The following SYBU variants were observed in gnomAD, a reference collection of about 807,000 sequenced individuals.
SYBU encodes syntabulin, also known as GOLSYN A protein.
SYBU carries 21 observed loss-of-function variants against 35.9 expected under a neutral mutation model. The observed-to-expected ratio is 0.58, with a 90% confidence interval of 0.41 to 0.84. The LOEUF (loss-of-function observed/expected upper bound fraction) is 0.84. Among genes scored for constraint, SYBU ranks in the 40% least tolerant of loss-of-function variants. The pLI is 0.00. For missense variants in SYBU, 768 were observed against 848.2 expected (o/e 0.91, Z 1.17); for synonymous variants, 319 against 324.3 (o/e 0.98, Z 0.18).
chr8:109,688,969 T>C (rs1817582466), intron 1 of SYBU, among the ~76,000 whole-genome samples: 1 of 152,198 alleles, frequency 6.6e-6, no homozygotes, highest in African/African-American at 2.4e-5. Context: ...GTGTATGGTC[T>C]TTTAAATATC....
intron 1 of SYBU, among the ~76,000 whole-genome samples, chr8:109,674,190 G>C (rs1239082070): frequency 6.9e-6 from 1 of 143,908 alleles, no homozygotes; most frequent in African/African-American, 2.6e-5. Flanking sequence ...ACACCACAAA[G>C]ATACTCCTCG....
chr8:109,649,845 A>G (rs1029423019), intron 1 of SYBU, among the ~76,000 whole-genome samples: 3 of 152,240 alleles, frequency 2.0e-5, no homozygotes, highest in Admixed American at 6.5e-5. Context: ...TCTGGAAAGT[A>G]TGCGTGTAAA....
intron 3 of SYBU, among the ~76,000 whole-genome samples, chr8:109,591,256 A>AAAGGTT (rs1484564467): frequency 5.9e-5 from 9 of 152,190 alleles, no homozygotes; most frequent in Non-Finnish European, 1.2e-4. Context: ...TTTTTTGTGA[A>AAAGGTT]TAAATCTTTA....
chr8:109,628,958 CA>C (rs143729899), intron 2 of SYBU, among the ~76,000 whole-genome samples: 5 of 148,656 alleles, frequency 3.4e-5, no homozygotes, highest in Admixed American at 1.3e-4. Flanking sequence ...GACCCTAAAC[CA>C]AAAAAAAATG....
intron 2 of SYBU, among the ~76,000 whole-genome samples, chr8:109,625,595 AT>A (rs997635625): frequency 6.6e-6 from 1 of 151,588 alleles, no homozygotes. Context: ...CTTATTTTTA[AT>A]TTTTTTTAAG....
In SYBU at chr8:109,574,737, G is replaced by T; in HGVS notation, c.*169C>A. The T allele has an allele frequency of 1.6e-6, 1 of 642,004 alleles. No homozygotes were observed. Among genetic ancestry groups the T allele is most frequent in the African/African-American group, 1.8e-5 (1 of 55,008 alleles). 39.8% of individuals were successfully genotyped at this position (642,004 alleles called of 1,614,324 possible). The stretch of plus-strand genomic sequence containing the variant: ...GGAACCAGGTCTCCATGCCTTTGAA[G>T]ATACCTCCGGTTTTAAACAGTGAAC... On this transcript the variant is annotated 3_prime_UTR_variant, in exon 7 of 7. Transcript: ENST00000276646.
intron 5 of SYBU, among the ~76,000 whole-genome samples, chr8:109,578,971 A>G (rs1822689071): frequency 6.6e-6 from 1 of 152,170 alleles, no homozygotes; most frequent in African/African-American, 2.4e-5. Context: ...TCAATGTTTT[A>G]CAAAACAGCC....
At chr8:109,666,175 C>T (rs112970052) in intron 1 of SYBU, among the ~76,000 whole-genome samples, 2 of 152,180 alleles carry the variant, frequency 1.3e-5, no homozygotes, top group Admixed American at 1.3e-4. Context: ...ACTTGACCAA[C>T]GTGGATGTGG....
intron 2 of SYBU, among the ~76,000 whole-genome samples, chr8:109,620,111 T>C (rs1448448421): frequency 6.6e-6 from 1 of 152,202 alleles, no homozygotes; most frequent in Non-Finnish European, 1.5e-5. Context: ...GGATAGTTGG[T>C]TAATTTATTT....
At chr8:109,636,531 T>C (rs1197580347) in intron 2 of SYBU, among the ~76,000 whole-genome samples, 1 of 152,202 alleles carries the variant, frequency 6.6e-6, no homozygotes, top group Non-Finnish European at 1.5e-5. Context: ...TAAAGATGCT[T>C]ACTGAATAAA....
At chr8:109,607,572 T>G (rs937122689) in intron 3 of SYBU, among the ~76,000 whole-genome samples, 1 of 152,198 alleles carries the variant, frequency 6.6e-6, no homozygotes, top group Non-Finnish European at 1.5e-5. Flanking sequence ...AAATGCAACA[T>G]GCAATGCTCA....
At chr8:109,684,912 G>C (rs1023835953), upstream of SYBU, among the ~76,000 whole-genome samples, 1 of 152,134 alleles carries the variant, frequency 6.6e-6, no homozygotes, top group African/African-American at 2.4e-5. Flanking sequence ...CTGTTAATTA[G>C]AAAAGCAAGG....
At position 109,575,837 on chromosome 8, in the gene SYBU, CCTTTAT is replaced by C. The variant is rs772572980; in HGVS notation, c.1055_1060del (p.Asp352_Lys353del). On this transcript the variant is annotated inframe_deletion, in exon 7 of 7. Transcript: ENST00000276646. ...TATGTCCACAAAATATTTCTGAATGCCTTTATCTTTATCAGCCAAGCTGCTCCGCAT... is the reference window on the plus strand; with the variant it reads ...TATGTCCACAAAATATTTCTGAATGCCTTTATCAGCCAAGCTGCTCCGCAT... 1.1e-5 allele frequency: 18 copies of C among 1,613,880 alleles called. No individual in the cohort carries two copies. The highest frequency in any genetic ancestry group is 1.7e-5 in the Admixed American group (1 of 59,988).
chr8:109,634,158 C>T (rs111343061), intron 2 of SYBU, among the ~76,000 whole-genome samples: 1 of 152,314 alleles, frequency 6.6e-6, no homozygotes, highest in African/African-American at 2.4e-5. Context: ...GCTTTTAAGA[C>T]TCTGCTTTTA....
intron 3 of SYBU, among the ~76,000 whole-genome samples, chr8:109,588,445 A>T (rs1346845331): frequency 6.6e-6 from 1 of 152,204 alleles, no homozygotes; most frequent in Non-Finnish European, 1.5e-5. Flanking sequence ...TGTACATCTG[A>T]AAGAGATTAG....
chr8:109,598,314 T>C (rs1461689962), intron 3 of SYBU, among the ~76,000 whole-genome samples: 1 of 152,244 alleles, frequency 6.6e-6, no homozygotes, highest in African/African-American at 2.4e-5. Context: ...TTACTTGGCA[T>C]AATACTGAGT....
chr8:109,687,722 T>C (rs1817552089), intron 1 of SYBU, among the ~76,000 whole-genome samples: 2 of 152,182 alleles, frequency 1.3e-5, no homozygotes, highest in Non-Finnish European at 2.9e-5. Context: ...GTGTTAGAAC[T>C]GGCAAAGCAT....
chr8:109,658,901 C>A (rs1052220695), intron 1 of SYBU, among the ~76,000 whole-genome samples: 1 of 151,864 alleles, frequency 6.6e-6, no homozygotes, highest in Non-Finnish European at 1.5e-5. Flanking sequence ...TTGCAGTGAG[C>A]AGAGATTGCG....
At chr8:109,617,668 G>A (rs1811964336) in intron 3 of SYBU, among the ~76,000 whole-genome samples, 1 of 152,132 alleles carries the variant, frequency 6.6e-6, no homozygotes, top group South Asian at 2.1e-4. Flanking sequence ...TTTATAGGCT[G>A]TCTTTCCTTC....
Sources: allele counts gnomAD v4.1 joint callset (sites outside exome capture counted in the v4.1 genomes callset), GRCh38; gene constraint gnomAD v4.1.1; transcripts MANE v1.5; gene names NCBI Gene and HGNC (gene_info 2026-07-23, HGNC 2026-07-21).